TSHZ3: variants seen among roughly 807,000 people sequenced by gnomAD.
TSHZ3 encodes teashirt homolog 3.
A neutral mutation model predicts 64.5 loss-of-function variants in TSHZ3; 10 were observed. That is an observed-to-expected ratio of 0.16 (90% CI 0.10 to 0.26). The LOEUF (loss-of-function observed/expected upper bound fraction) is 0.26, where lower values mean the gene tolerates loss of function less well. Ranked by LOEUF, TSHZ3 falls within the 10% of genes least tolerant of loss-of-function variation. The pLI, the probability that TSHZ3 is intolerant of heterozygous loss-of-function variation, is 1.00. For synonymous variants in TSHZ3, 608 were observed against 593.1 expected (o/e 1.03, Z -0.36); for missense variants, 1,242 against 1,421.7 (o/e 0.87, Z 2.03).
chr19:31,344,413 A>G (rs1010003473), intron 1 of TSHZ3, among the ~76,000 whole-genome samples: 2 of 152,260 alleles, frequency 1.3e-5, no homozygotes, highest in Non-Finnish European at 2.9e-5. Context: ...GTTTTACGAC[A>G]TGACCAAAGC....
At chr19:31,241,756 G>T (rs1975692723) in intron 3 of TSHZ3, among the ~76,000 whole-genome samples, 1 of 152,248 alleles carries the variant, frequency 6.6e-6, no homozygotes, top group South Asian at 2.1e-4. Flanking sequence ...CCCGGCAGGG[G>T]ACTGAATGAC....
At chr19:31,326,746 G>A (rs1462023550) in intron 1 of TSHZ3, among the ~76,000 whole-genome samples, 2 of 152,262 alleles carry the variant, frequency 1.3e-5, no homozygotes, top group African/African-American at 4.8e-5. Flanking sequence ...GCACATGGAA[G>A]ACAGGAGGGA....
chr19:31,179,773 A>G (rs966283514), intron 5 of TSHZ3, among the ~76,000 whole-genome samples: 2 of 149,144 alleles, frequency 1.3e-5, no homozygotes, highest in Admixed American at 1.3e-4. Context: ...GGTGGGGGTG[A>G]TGATAATGGT....
rs903933 is a variant in TSHZ3 at position 31,330,709 on chromosome 19, C to A, written c.40+18471G>T. Among the ~76,000 whole-genome samples, 140 of 85,700 alleles carry A rather than the reference C, an allele frequency of 1.6e-3. 5 individuals are homozygous for A. The East Asian group carries it at 0.031, about 19-fold the overall frequency. The allele number at this position is 85,700 out of a possible 152,430, so 56.2% of individuals were successfully genotyped here. A position where few individuals can be genotyped will look rare whatever the true frequency, so the allele number is the denominator to read the frequency against. On this transcript the variant is annotated intron_variant, in intron 1 of 1. Coordinates refer to ENST00000240587, the MANE Select transcript of TSHZ3 (RefSeq NM_020856.4). Reference sequence around the variant, plus strand: ...AGCCAAGTGCTGTTTAATCCTTGGGCGGGGGGAGGAAAGTCCAGAACACCT... The same window carrying A: ...AGCCAAGTGCTGTTTAATCCTTGGGAGGGGGGAGGAAAGTCCAGAACACCT...
At chr19:31,302,726 A>T (rs1976775342) in intron 1 of TSHZ3, among the ~76,000 whole-genome samples, 1 of 152,204 alleles carries the variant, frequency 6.6e-6, no homozygotes, top group African/African-American at 2.4e-5. Flanking sequence ...TGTGTAGGTT[A>T]AAAAATAATG....
At chr19:31,330,400 G>T (rs1176077980) in intron 1 of TSHZ3, among the ~76,000 whole-genome samples, 1 of 152,204 alleles carries the variant, frequency 6.6e-6, no homozygotes, top group African/African-American at 2.4e-5. Context: ...CCTCCGGGCT[G>T]CTTGGCCGTA....
chr19:31,349,902 C>A (rs2021657581), upstream of TSHZ3, among the ~76,000 whole-genome samples: 1 of 146,136 alleles, frequency 6.8e-6, no homozygotes, highest in South Asian at 2.1e-4. Flanking sequence ...GGGGGCGCCG[C>A]GCCCCCGCCC....
intron 1 of TSHZ3, among the ~76,000 whole-genome samples, chr19:31,248,264 A>G (rs925136405): frequency 4.6e-5 from 7 of 152,196 alleles, no homozygotes; most frequent in Non-Finnish European, 1.0e-4. Flanking sequence ...AAAAAGAGAG[A>G]GGAAGAGAGA....
At chr19:31,192,531 C>T (rs1974925854) in intron 5 of TSHZ3, among the ~76,000 whole-genome samples, 1 of 152,222 alleles carries the variant, frequency 6.6e-6, no homozygotes, top group Admixed American at 6.5e-5. Context: ...TCCTCTTTCA[C>T]TATGTTTACT....
At chr19:31,342,400 T>C (rs1367918459) in intron 1 of TSHZ3, among the ~76,000 whole-genome samples, 2 of 152,206 alleles carry the variant, frequency 1.3e-5, no homozygotes, top group Non-Finnish European at 2.9e-5. Context: ...ATAAAATCAA[T>C]TTAATTTTTT....
At chr19:31,299,742 G>C (rs1430388977) in intron 1 of TSHZ3, among the ~76,000 whole-genome samples, 1 of 152,092 alleles carries the variant, frequency 6.6e-6, no homozygotes, top group Non-Finnish European at 1.5e-5. Context: ...AAGTTCTCAG[G>C]ACCAAAAAGA....
chr19:31,227,192 C>A (rs542261780), intron 4 of TSHZ3, among the ~76,000 whole-genome samples: 1 of 151,938 alleles, frequency 6.6e-6, no homozygotes, highest in South Asian at 2.1e-4. Context: ...GTTGCCCAGG[C>A]TGGTCTCGAA....
At chr19:31,190,148 G>A (rs1974879706) in intron 5 of TSHZ3, among the ~76,000 whole-genome samples, 1 of 152,118 alleles carries the variant, frequency 6.6e-6, no homozygotes, top group Non-Finnish European at 1.5e-5. Context: ...TAAAGTTTGG[G>A]AAAGCTTAAA....
At chr19:31,224,199 T>G (rs2145170237) in intron 4 of TSHZ3, among the ~76,000 whole-genome samples, 1 of 152,360 alleles carries the variant, frequency 6.6e-6, no homozygotes, top group African/African-American at 2.4e-5. Context: ...TTACCATTTG[T>G]CTAAACCATG....
rs770058384 is a variant in TSHZ3 at position 31,278,013 on chromosome 19, G to C, written c.1780C>G (p.Pro594Ala). The C allele has an allele frequency of 6.2e-7, 1 of 1,614,038 alleles. No individual in the cohort carries two copies. The highest frequency in any genetic ancestry group is 8.5e-7 in the Non-Finnish European group (1 of 1,179,908). Reference protein sequence around the residue: ...SPTKNQTLVSPPSSQTSPMPK... With the variant: ...SPTKNQTLVSAPSSQTSPMPK... ...ATGGGGGACGTCTGGCTGCTGGGTG[G>C]AGAGACCAGGGTCTGGTTTTTCGTC... Residue 594 changes from proline to alanine, a missense_variant, in exon 2 of 2, where the codon CCA (proline) becomes GCA (alanine). Around this residue, in one of 4 missense-constraint regions of TSHZ3, gnomAD observed 550 missense variants for 545.1 expected, o/e 1.01. Coordinates refer to ENST00000240587, the MANE Select transcript of TSHZ3 (RefSeq NM_020856.4). The surrounding 1 kb of genome is among the most constrained non-coding windows in gnomAD (Gnocchi z 4.7).
chr19:31,185,850 A>C (rs1294039585), intron 5 of TSHZ3, among the ~76,000 whole-genome samples: 5 of 152,020 alleles, frequency 3.3e-5, no homozygotes, highest in Non-Finnish European at 5.9e-5. Flanking sequence ...CATCCAAGCA[A>C]TCACTGTTCT....
chr19:31,277,965 T>C lies in TSHZ3; in HGVS notation c.1828A>G (p.Met610Val), dbSNP rs1056934810. The C allele has an allele frequency of 6.2e-7, 1 of 1,614,192 alleles. No homozygotes were observed. The highest frequency in any genetic ancestry group is 2.2e-5 in the East Asian group (1 of 44,874). Residue 610 changes from methionine (M) to valine (V), a missense_variant, in exon 2 of 2, where the codon ATG becomes GTG. Around this residue, in one of 4 missense-constraint regions of TSHZ3, gnomAD observed 550 missense variants for 545.1 expected, o/e 1.01. Transcript: ENST00000240587. The surrounding 1 kb of genome is among the most constrained non-coding windows in gnomAD (Gnocchi z 4.5). ...GTGACCTTTTTCACCAGCTCCTCCA[T>C]GGCATGAAAGTTTGTCTTGGGCATG... Reference protein sequence around the residue: ...SPMPKTNFHAMEELVKKVTEK... With the variant: ...SPMPKTNFHAVEELVKKVTEK...
rs900451863 is a variant in TSHZ3, at chr19:31,181,973, G to A, written n.809+22983C>T. On this transcript the variant is annotated intron_variant and non_coding_transcript_variant, in intron 5 of 6. Coordinates refer to the TSHZ3 transcript ENST00000651361. The stretch of plus-strand genomic sequence containing the variant: ...GTCCTGGCCAGATCCTCTAGAGTCC[G>A]TGCTCCTGCAGGCATCTCCACTGCA... Among the ~76,000 whole-genome samples the A allele has an allele frequency of 8.5e-5, 13 of 152,232 alleles. No homozygotes were observed. The East Asian group carries it at 1.4e-3, about 16-fold the overall frequency.
intron 5 of TSHZ3, among the ~76,000 whole-genome samples, chr19:31,187,593 T>C (rs1974832366): frequency 6.6e-6 from 1 of 152,176 alleles, no homozygotes; most frequent in Non-Finnish European, 1.5e-5. Flanking sequence ...AGGTCTATAA[T>C]CTATCATAAA....
Sources: gnomAD v4.1 joint callset for allele counts (sites outside exome capture counted in the v4.1 genomes callset) on GRCh38, gnomAD v4.1.1 for gene constraint, gnomAD v4.1.1 regional missense constraint, Gnocchi (gnomAD v3.1) non-coding constraint, MANE v1.5 for transcripts, NCBI Gene and HGNC (gene_info 2026-07-23, HGNC 2026-07-21) for gene names.